The following AUTS2 variants were observed in gnomAD, a reference collection of about 807,000 sequenced individuals.
AUTS2 encodes autism susceptibility gene 2 protein.
A neutral mutation model predicts 112.4 loss-of-function variants in AUTS2; 17 were observed. That is an observed-to-expected ratio of 0.15 (90% CI 0.10 to 0.23). The LOEUF (loss-of-function observed/expected upper bound fraction) is 0.23. AUTS2 is among the 10% of genes least tolerant of loss of function. The pLI, the probability that AUTS2 is intolerant of heterozygous loss-of-function variation, is 1.00. For synonymous variants in AUTS2, 751 were observed against 702.7 expected (o/e 1.07, Z -1.09); for missense variants, 1,510 against 1,701.6 (o/e 0.89, Z 1.98).
Position 70,497,058 on chromosome 7 carries a change from G to A in AUTS2, c.690+61277G>A, listed in dbSNP as rs1343878979. ...CACATGCACACATCACATCAGCGTCGATCACACATCCCACTCACACACACC... is the reference window on the plus strand; with the variant it reads ...CACATGCACACATCACATCAGCGTCAATCACACATCCCACTCACACACACC... On this transcript the variant is annotated intron_variant, in intron 5 of 18. Coordinates refer to ENST00000342771, the MANE Select transcript of AUTS2 (RefSeq NM_015570.4). Among the ~76,000 whole-genome samples the A allele has an allele frequency of 1.4e-3, 98 of 70,044 alleles. 3 individuals carry two copies. Among genetic ancestry groups the A allele is most frequent in the African/African-American group, 2.5e-3 (38 of 14,994 alleles). 46.0% of individuals were successfully genotyped at this position (70,044 alleles called of 152,430 possible). A position where few individuals can be genotyped will look rare whatever the true frequency, so the allele number is the denominator to read the frequency against.
intron 2 of AUTS2, among the ~76,000 whole-genome samples, chr7:70,028,254 C>T (rs1438877823): frequency 6.6e-6 from 1 of 152,146 alleles, no homozygotes; most frequent in Admixed American, 6.6e-5. Flanking sequence ...ATTACTCATT[C>T]TATGAACCTC....
intron 1 of AUTS2, among the ~76,000 whole-genome samples, chr7:69,647,563 C>G (rs565349272): frequency 6.6e-6 from 1 of 152,224 alleles, no homozygotes; most frequent in East Asian, 1.9e-4. Context: ...ACTATATTGC[C>G]TAGGCTGGTC....
At chr7:70,238,384 C>CAGAGG (rs1812435419) in intron 4 of AUTS2, among the ~76,000 whole-genome samples, 1 of 152,212 alleles carries the variant, frequency 6.6e-6, no homozygotes, top group Non-Finnish European at 1.5e-5. Flanking sequence ...AGGACCAACA[C>CAGAGG]TAATGCTGTC....
chr7:69,638,251 A>G (rs1045460401), intron 1 of AUTS2, among the ~76,000 whole-genome samples: 2 of 152,192 alleles, frequency 1.3e-5, no homozygotes, highest in African/African-American at 4.8e-5. Context: ...TCCTGGCCTC[A>G]ATCAGTCCTC....
intron 4 of AUTS2, among the ~76,000 whole-genome samples, chr7:70,296,207 C>G (rs1444980214): frequency 6.6e-6 from 1 of 152,142 alleles, no homozygotes; most frequent in Non-Finnish European, 1.5e-5. Context: ...TAGATTTCGA[C>G]TCATCAAACA....
intron 1 of AUTS2, among the ~76,000 whole-genome samples, chr7:69,651,186 G>C (rs967070497): frequency 6.6e-6 from 1 of 152,162 alleles, no homozygotes; most frequent in Admixed American, 6.5e-5. Context: ...TGAGGAACGG[G>C]GTGTGAAACA....
intron 4 of AUTS2, among the ~76,000 whole-genome samples, chr7:70,414,775 G>GA (rs1194007762): frequency 1.3e-5 from 2 of 152,232 alleles, no homozygotes; most frequent in South Asian, 2.1e-4. Context: ...CTATTTAGGG[G>GA]AAAAAATGTA....
At chr7:70,639,457 C>A (rs1291627328) in intron 5 of AUTS2, among the ~76,000 whole-genome samples, 1 of 151,192 alleles carries the variant, frequency 6.6e-6, no homozygotes, top group African/African-American at 2.4e-5. Flanking sequence ...CTTTACCCAC[C>A]AATAAATAAG....
At chr7:70,760,247 C>T (rs745576762) in intron 6 of AUTS2, among the ~76,000 whole-genome samples, 2 of 152,204 alleles carry the variant, frequency 1.3e-5, no homozygotes, top group Non-Finnish European at 2.9e-5. Context: ...CCTCGTGATC[C>T]GCCCGCCTTG....
chr7:70,492,087 C>T (rs1306020935), intron 5 of AUTS2, among the ~76,000 whole-genome samples: 1 of 152,130 alleles, frequency 6.6e-6, no homozygotes, highest in African/African-American at 2.4e-5. Flanking sequence ...CTCCACCCCA[C>T]CCCTCCCAGT....
intron 2 of AUTS2, among the ~76,000 whole-genome samples, chr7:69,959,283 G>A (rs894875473): frequency 6.6e-6 from 1 of 152,086 alleles, no homozygotes; most frequent in Non-Finnish European, 1.5e-5. Context: ...AAGAGCTTTT[G>A]GGAGCCTGCT....
chr7:70,031,588 A>G (rs1800783000), intron 2 of AUTS2, among the ~76,000 whole-genome samples: 1 of 152,176 alleles, frequency 6.6e-6, no homozygotes, highest in African/African-American at 2.4e-5. Flanking sequence ...GTGAAGATGG[A>G]TTGAGCCCCT....
chr7:70,149,081 C>A (rs1476163272), intron 4 of AUTS2, among the ~76,000 whole-genome samples: 1 of 152,006 alleles, frequency 6.6e-6, no homozygotes, highest in Non-Finnish European at 1.5e-5. Flanking sequence ...ATAGGGTGTT[C>A]CATGAGGTCA....
chr7:70,232,767 G>A (rs1416111333), intron 4 of AUTS2, among the ~76,000 whole-genome samples: 1 of 152,020 alleles, frequency 6.6e-6, no homozygotes, highest in Non-Finnish European at 1.5e-5. Flanking sequence ...TATTTTTTCA[G>A]GTAGGTATAC....
intron 2 of AUTS2, among the ~76,000 whole-genome samples, chr7:69,924,536 T>C (rs780112443): frequency 2.6e-5 from 4 of 151,564 alleles, no homozygotes; most frequent in Non-Finnish European, 4.4e-5. Flanking sequence ...CTTTTCTTTC[T>C]TTCTTTCTTT....
rs550309181 is a variant in AUTS2 at position 69,668,726 on chromosome 7, T to C, written c.309+68764T>C. On this transcript the variant is annotated intron_variant, in intron 1 of 18. Coordinates refer to ENST00000342771, the MANE Select transcript of AUTS2 (RefSeq NM_015570.4). ...TATGCTGCCCATCTTTCTTAACTTA[T>C]GGTCAGCCATATGTTTAGACCAGAT... Among the ~76,000 whole-genome samples, 8 of 152,336 alleles carry C rather than the reference T, an allele frequency of 5.3e-5. No homozygotes were observed. In the South Asian group the frequency reaches 1.5e-3, roughly 28 times the overall value.
Position 70,768,067 on chromosome 7 carries a change from G to A in AUTS2, c.1733G>A (p.Ser578Asn), listed in dbSNP as rs2129557712. The change falls in exon 10 of 19, where the codon AGT becomes AAT. Residue 578 changes from serine to asparagine, a missense_variant and splice_region_variant. Physicochemically the swap from Ser to Asn is conservative, Grantham distance 46. Around this residue, in one of 3 missense-constraint regions of AUTS2, gnomAD observed 187 missense variants for 309.7 expected, o/e 0.60. Coordinates refer to ENST00000342771, the MANE Select transcript of AUTS2 (RefSeq NM_015570.4). ...AAAGTTGACCCATTCTACCGGCACAGTGTGAGTTTCATTACCATGCTACAC... is the reference window on the plus strand; with the variant it reads ...AAAGTTGACCCATTCTACCGGCACAATGTGAGTTTCATTACCATGCTACAC... ...PTKVDPFYRH[S>N]LFHSYPPAVS... 4 of 1,602,722 alleles carry A rather than the reference G, an allele frequency of 2.5e-6. No individual in the cohort carries two copies. Among genetic ancestry groups the A allele is most frequent in the Non-Finnish European group, 3.4e-6 (4 of 1,175,880 alleles).
chr7:70,594,188 G>A (rs377295044), intron 5 of AUTS2, among the ~76,000 whole-genome samples: 3 of 152,116 alleles, frequency 2.0e-5, no homozygotes, highest in South Asian at 4.2e-4. Flanking sequence ...TTTGATACAC[G>A]GTGCAACTTG....
intron 2 of AUTS2, among the ~76,000 whole-genome samples, chr7:70,027,489 T>C (rs12698837): frequency 0.1 from 15,567 of 152,172 alleles, 840 homozygotes; most frequent in Admixed American, 0.13. Flanking sequence ...CAAAGTGTGG[T>C]CCCCAGACCA....
Sources: allele counts gnomAD v4.1 joint callset (sites outside exome capture counted in the v4.1 genomes callset), GRCh38; gene constraint gnomAD v4.1.1; regional missense constraint gnomAD v4.1.1; transcripts MANE v1.5; gene names NCBI Gene and HGNC (gene_info 2026-07-23, HGNC 2026-07-21).